The following CCSER1 variants were observed in gnomAD, a reference collection of about 807,000 sequenced individuals.
CCSER1 encodes the protein serine-rich coiled-coil domain-containing protein 1.
Under a neutral mutation model 82.0 loss-of-function variants are expected in CCSER1, and 41 were observed. That is an observed-to-expected ratio of 0.50 (90% CI 0.39 to 0.65). The LOEUF is 0.65. CCSER1 is among the 30% of genes least tolerant of loss of function. The pLI, the probability that CCSER1 is intolerant of heterozygous loss-of-function variation, is 0.00. For missense variants in CCSER1, 1,119 were observed against 1,064.2 expected (o/e 1.05, Z -0.72); for synonymous variants, 414 against 383.9 (o/e 1.08, Z -0.92).
intron 10 of CCSER1, among the ~76,000 whole-genome samples, chr4:91,514,831 CT>C (rs1303971099): frequency 2.6e-5 from 4 of 152,142 alleles, no homozygotes; most frequent in African/African-American, 9.7e-5. Context: ...GACAAAGTCT[CT>C]CAGTTAAAAG....
At chr4:90,386,731 T>A (rs1750118327) in intron 3 of CCSER1, among the ~76,000 whole-genome samples, 1 of 152,164 alleles carries the variant, frequency 6.6e-6, no homozygotes, top group African/African-American at 2.4e-5. Context: ...GAGAAAATAT[T>A]CACACCTACT....
chr4:91,042,043 G>A (rs1581405588), intron 9 of CCSER1, among the ~76,000 whole-genome samples: 1 of 152,274 alleles, frequency 6.6e-6, no homozygotes, highest in East Asian at 1.9e-4. Flanking sequence ...CTGGAAGAAT[G>A]AACAAGATAT....
intron 9 of CCSER1, chr4:91,015,227 A>C (rs994794803): frequency 6.6e-6 from 1 of 152,114 alleles, no homozygotes; most frequent in Admixed American, 6.5e-5. Context: ...ATTACATGCA[A>C]GGAAAGTTCT....
At chr4:90,158,070 G>T (rs1419757361) in intron 1 of CCSER1, among the ~76,000 whole-genome samples, 1 of 152,152 alleles carries the variant, frequency 6.6e-6, no homozygotes, top group African/African-American at 2.4e-5. Context: ...TGTCCTTTCT[G>T]TTTGTTAGTT....
intron 9 of CCSER1, among the ~76,000 whole-genome samples, chr4:90,995,878 T>G (rs551301804): frequency 6.6e-6 from 1 of 152,228 alleles, no homozygotes; most frequent in Non-Finnish European, 1.5e-5. Flanking sequence ...TTTGTTATTC[T>G]TATTTTTTAA....
chr4:90,625,839 A>G (rs1227999929), intron 5 of CCSER1, among the ~76,000 whole-genome samples: 6 of 152,220 alleles, frequency 3.9e-5, no homozygotes, highest in African/African-American at 1.4e-4. Flanking sequence ...GCATTTCTGT[A>G]CATGGCTCAT....
intron 10 of CCSER1, among the ~76,000 whole-genome samples, chr4:91,421,796 A>G (rs1484817502): frequency 2.0e-5 from 3 of 151,262 alleles, no homozygotes; most frequent in Admixed American, 1.3e-4. Context: ...AAAATTAAAA[A>G]TTAAAAAAAG....
intron 7 of CCSER1, among the ~76,000 whole-genome samples, chr4:90,727,678 A>G (rs1211473723): frequency 6.6e-6 from 1 of 152,188 alleles, no homozygotes; most frequent in African/African-American, 2.4e-5. Context: ...TAGCAGCCTC[A>G]GTCCATTCCT....
At chr4:91,248,824 T>A (rs1000753025) in intron 10 of CCSER1, among the ~76,000 whole-genome samples, 1 of 152,194 alleles carries the variant, frequency 6.6e-6, no homozygotes, top group African/African-American at 2.4e-5. Flanking sequence ...ATATAAGATA[T>A]TATTGTGGAT....
intron 7 of CCSER1, among the ~76,000 whole-genome samples, chr4:90,810,679 A>C (rs114743075): frequency 0.021 from 3,175 of 150,632 alleles, 113 homozygotes; most frequent in African/African-American, 0.073. Flanking sequence ...CAACAACAAC[A>C]ACCAAAACTA....
At chr4:91,051,818 A>G (rs1158445066) in intron 9 of CCSER1, among the ~76,000 whole-genome samples, 1 of 152,144 alleles carries the variant, frequency 6.6e-6, no homozygotes, top group Non-Finnish European at 1.5e-5. Context: ...AATATCATAA[A>G]TGTTGCTCAT....
chr4:90,727,146 A>T (rs1286055199), intron 7 of CCSER1: 1 of 437,332 alleles, frequency 2.3e-6, no homozygotes, highest in East Asian at 7.0e-5. Context: ...TGTTATGGGC[A>T]TCTATTTGGA....
intron 5 of CCSER1, among the ~76,000 whole-genome samples, chr4:90,572,573 G>GTTATTA (rs150107460): frequency 9.3e-5 from 14 of 150,412 alleles, no homozygotes; most frequent in Admixed American, 2.6e-4. Context: ...TTGAGCGCAC[G>GTTATTA]TTATTATTAT....
chr4:90,467,682 C>G (rs1445205351), intron 4 of CCSER1, among the ~76,000 whole-genome samples: 1 of 145,598 alleles, frequency 6.9e-6, no homozygotes, highest in East Asian at 2.1e-4. Context: ...GACTCCGTCT[C>G]AAAAAACAAA....
chr4:90,806,021 C>A (rs375587980), intron 7 of CCSER1, among the ~76,000 whole-genome samples: 1 of 152,090 alleles, frequency 6.6e-6, no homozygotes, highest in Admixed American at 6.5e-5. Flanking sequence ...TTTCATTTTG[C>A]CTGCTAGATA....
intron 10 of CCSER1, among the ~76,000 whole-genome samples, chr4:91,589,346 CTTAAT>C (rs1342520822): frequency 5.9e-5 from 9 of 151,708 alleles, no homozygotes; most frequent in East Asian, 1.9e-4. Flanking sequence ...AAGTTTGATT[CTTAAT>C]TTAATGATAT....
At chr4:90,485,341 G>A (rs1331579477) in intron 5 of CCSER1, among the ~76,000 whole-genome samples, 6 of 152,120 alleles carry the variant, frequency 3.9e-5, no homozygotes, top group East Asian at 1.9e-4. Context: ...TCGATGCCTC[G>A]CTCTGCTTCG....
chr4:90,169,334 G>A (rs1434552456), intron 1 of CCSER1, among the ~76,000 whole-genome samples: 1 of 152,138 alleles, frequency 6.6e-6, no homozygotes, highest in African/African-American at 2.4e-5. Flanking sequence ...TTTATATCCT[G>A]AGACTTTGCT....
chr4:90,523,281 C>T (rs562411438), intron 5 of CCSER1, among the ~76,000 whole-genome samples: 1 of 152,120 alleles, frequency 6.6e-6, no homozygotes, highest in South Asian at 2.1e-4. Flanking sequence ...TAGCTGGAAA[C>T]CAGACACATA....
Sources: allele counts gnomAD v4.1 joint callset (sites outside exome capture counted in the v4.1 genomes callset), GRCh38; gene constraint gnomAD v4.1.1; transcripts MANE v1.5; gene names NCBI Gene and HGNC (gene_info 2026-07-23, HGNC 2026-07-21).